Variants in ITIH2 observed in about 807,000 individuals in gnomAD.
ITIH2 encodes the protein inter-alpha-trypsin inhibitor heavy chain H2.
A neutral mutation model predicts 104.4 loss-of-function variants in ITIH2; 103 were observed. That is an observed-to-expected ratio of 0.99 (90% CI 0.84 to 1.16). The LOEUF (loss-of-function observed/expected upper bound fraction) is 1.16, where lower values mean the gene tolerates loss of function less well. ITIH2 is among the 50% of genes most tolerant of loss of function. The pLI is 0.00. For synonymous variants in ITIH2, 436 were observed against 435.4 expected (o/e 1.00, Z -0.02); for missense variants, 1,108 against 1,162.4 (o/e 0.95, Z 0.68).
intron 12 of ITIH2, among the ~76,000 whole-genome samples, 164 bp from the exon 13 acceptor site, chr10:7,731,647 C>T (rs1442490244): frequency 1.3e-5 from 2 of 152,098 alleles, no homozygotes; most frequent in Non-Finnish European, 2.9e-5. Context: ...ATTGCTTGAA[C>T]CCAGGAGCCG....
At chr10:7,741,185 T>G (rs1303949744) in intron 16 of ITIH2, among the ~76,000 whole-genome samples, 1 of 146,424 alleles carries the variant, frequency 6.8e-6, no homozygotes, top group African/African-American at 2.7e-5. Context: ...TTTTTTTTTT[T>G]TTTTTTTTTT....
At chr10:7,712,749 G>C (rs1834808063) in intron 4 of ITIH2, among the ~76,000 whole-genome samples, 1 of 152,166 alleles carries the variant, frequency 6.6e-6, no homozygotes, top group South Asian at 2.1e-4. Flanking sequence ...ATTTCTTATA[G>C]ACACAAAATG....
At chr10:7,705,295 C>A in intron 2 of ITIH2, 113 bp downstream of exon 2, 1 of 772,054 alleles carries the variant, frequency 1.3e-6, no homozygotes, top group Non-Finnish European at 2.2e-6. Flanking sequence ...TGTTTTTTAG[C>A]ACAGAAGAGT....
At chr10:7,746,762 A>G (rs1835182009) in intron 20 of ITIH2, 58 bp downstream of exon 20, 2 of 1,037,202 alleles carry the variant, frequency 1.9e-6, no homozygotes, top group African/African-American at 1.6e-5. Context: ...TTAGACCCAC[A>G]CAGCAAAATA....
chr10:7,740,361 C>A (rs956331618), intron 16 of ITIH2, among the ~76,000 whole-genome samples: 1 of 152,148 alleles, frequency 6.6e-6, no homozygotes, highest in African/African-American at 2.4e-5. Context: ...TAGGGAGTCC[C>A]ACGAACCATG....
chr10:7,706,917 A>G (rs1834752456), intron 2 of ITIH2, among the ~76,000 whole-genome samples: 2 of 152,300 alleles, frequency 1.3e-5, no homozygotes, highest in Non-Finnish European at 2.9e-5. Context: ...GCTACCCAGG[A>G]TGCATTTGGT....
At chr10:7,745,178 C>T (rs1835165086) in intron 19 of ITIH2, among the ~76,000 whole-genome samples, 1 of 152,104 alleles carries the variant, frequency 6.6e-6, no homozygotes, top group African/African-American at 2.4e-5. Context: ...GCATCACAAA[C>T]TGGGCAAGTT....
At chr10:7,740,560 T>G (rs1835114829) in intron 16 of ITIH2, among the ~76,000 whole-genome samples, 1 of 152,214 alleles carries the variant, frequency 6.6e-6, no homozygotes, top group Non-Finnish European at 1.5e-5. Context: ...AAAATAAAGC[T>G]TTTGGAGAAA....
intron 3 of ITIH2, among the ~76,000 whole-genome samples, chr10:7,708,798 A>G (rs1459701084): frequency 6.6e-6 from 1 of 152,190 alleles, no homozygotes; most frequent in African/African-American, 2.4e-5. Flanking sequence ...AATGCCTTTT[A>G]GCTCAAAGTA....
intron 16 of ITIH2, among the ~76,000 whole-genome samples, chr10:7,742,498 T>C (rs1835136746): frequency 6.6e-6 from 1 of 152,128 alleles, no homozygotes; most frequent in East Asian, 1.9e-4. Context: ...CCCAGGACTT[T>C]GAGAGGCTGA....
chr10:7,740,358 T>C (rs774691997), intron 16 of ITIH2, among the ~76,000 whole-genome samples: 5 of 151,918 alleles, frequency 3.3e-5, no homozygotes, highest in Non-Finnish European at 7.4e-5. Flanking sequence ...CCATAGGGAG[T>C]CCCACGAACC....
intron 15 of ITIH2, among the ~76,000 whole-genome samples, chr10:7,736,982 A>G (rs2130959626): frequency 6.6e-6 from 1 of 152,216 alleles, no homozygotes; most frequent in East Asian, 1.9e-4. Context: ...ATCAGCTGAC[A>G]ATGTGAGCCC....
intron 5 of ITIH2, among the ~76,000 whole-genome samples, chr10:7,713,896 C>T (rs192946836): frequency 2.9e-4 from 44 of 151,976 alleles, no homozygotes; most frequent in Non-Finnish European, 1.8e-4. Context: ...AGAGATAAGG[C>T]CTTGCTTTGT....
chr10:7,737,524 T>A (rs1294682809), intron 15 of ITIH2, among the ~76,000 whole-genome samples: 4 of 135,614 alleles, frequency 2.9e-5, no homozygotes, highest in Non-Finnish European at 4.6e-5. Context: ...TATTATATAC[T>A]ATGTATTCTA....
At chr10:7,722,729 C>T (rs905078117) in intron 8 of ITIH2, among the ~76,000 whole-genome samples, 3 of 152,218 alleles carry the variant, frequency 2.0e-5, no homozygotes, top group Non-Finnish European at 4.4e-5. Flanking sequence ...AGTGGAGATG[C>T]TGCTTCCTAG....
chr10:7,735,669 CTTTTCTTTTT>C (rs1269003428), intron 15 of ITIH2, among the ~76,000 whole-genome samples: 1 of 144,008 alleles, frequency 6.9e-6, no homozygotes, highest in Non-Finnish European at 1.5e-5. Context: ...CTTTTCTTTT[CTTTTCTTTTT>C]TTTTTTTTTT....
chr10:7,712,638 G>A (rs1351795457), intron 4 of ITIH2, among the ~76,000 whole-genome samples: 1 of 152,088 alleles, frequency 6.6e-6, no homozygotes, highest in Admixed American at 6.5e-5. Flanking sequence ...GTACATGAGG[G>A]AAAGGTTTTA....
intron 20 of ITIH2, 62 bp from the exon 21 acceptor site, chr10:7,749,125 A>T (rs1382548337): frequency 1.3e-6 from 2 of 1,520,400 alleles, no homozygotes; most frequent in Non-Finnish European, 1.8e-6. Flanking sequence ...CAAGGAAAAG[A>T]GGGAGTCTTG....
At chr10:7,748,614 T>C (rs1015663860) in intron 20 of ITIH2, among the ~76,000 whole-genome samples, 2 of 134,244 alleles carry the variant, frequency 1.5e-5, no homozygotes, top group Non-Finnish European at 3.1e-5. Flanking sequence ...TATCTTGGGC[T>C]CACTGCAACC....
Sources: allele counts gnomAD v4.1 joint callset (sites outside exome capture counted in the v4.1 genomes callset), GRCh38; gene constraint gnomAD v4.1.1; transcripts MANE v1.5; gene names NCBI Gene and HGNC (gene_info 2026-07-23, HGNC 2026-07-21).